ANXA10: variants seen among roughly 807,000 people sequenced by gnomAD.
The protein encoded by ANXA10 is annexin A10.
ANXA10 carries 49 observed loss-of-function variants against 53.5 expected under a neutral mutation model. The ratio of observed to expected loss-of-function variants is 0.92; its 90% CI spans 0.73 to 1.16. The LOEUF is 1.16. Ranked by LOEUF, ANXA10 falls within the 50% of genes most tolerant of loss-of-function variation. The probability of loss-of-function intolerance (pLI) is 0.00; values close to 1 mark genes in which losing one functional copy is unlikely to be tolerated. For missense variants in ANXA10, 393 were observed against 394.4 expected, an observed-to-expected ratio of 1.00 and a Z score of 0.03; for synonymous variants, 131 against 128.9, an observed-to-expected ratio of 1.02 and a Z score of -0.11.
chr4:168,126,052 A>G lies in ANXA10; in HGVS notation c.19-2032A>G, dbSNP rs910280210. 4.6e-5 allele frequency among the ~76,000 whole-genome samples: 7 copies of G among 152,260 alleles called. No individual in the cohort carries two copies. The East Asian group carries it at 1.2e-3, about 25-fold the overall frequency. ...ATCTTAATACATACAGATACACATT[A>G]TTTCTCACTGTCACATTGAAAAATG... On this transcript the variant is annotated intron_variant, in intron 1 of 11. Coordinates refer to ENST00000359299, the MANE Select transcript of ANXA10 (RefSeq NM_007193.5).
chr4:168,109,892 C>T (rs1730776357), intron 1 of ANXA10, among the ~76,000 whole-genome samples: 1 of 152,194 alleles, frequency 6.6e-6, no homozygotes. Flanking sequence ...ACTTAGTTTA[C>T]ACTCCTTACT....
intron 6 of ANXA10, among the ~76,000 whole-genome samples, chr4:168,169,275 AT>A (rs1167806422): frequency 6.6e-6 from 1 of 152,240 alleles, no homozygotes; most frequent in Non-Finnish European, 1.5e-5. Flanking sequence ...TAATTTTACA[AT>A]AATGTTGCTA....
chr4:168,128,100 T>A lies in ANXA10; in HGVS notation c.35T>A (p.Phe12Tyr). 6.2e-7 allele frequency: 1 copy of A among 1,613,392 alleles called. No individual in the cohort carries two copies. Among genetic ancestry groups the A allele is most frequent in the Non-Finnish European group, 8.5e-7 (1 of 1,179,568 alleles). Residue 12 changes from phenylalanine (F) to tyrosine (Y), a missense_variant, in exon 2 of 12, where the codon TTC (phenylalanine) becomes TAC (tyrosine). By Grantham distance (22) the Phe-to-Tyr change is conservative (BLOSUM62 3). Transcript: ENST00000359299. ...FCGDYVQGTI[F>Y]PAPNFNPIMD... Reference sequence around the variant, plus strand: ...TCCCACCAGGTGCAAGGAACCATCTTCCCAGCTCCCAATTTCAATCCCATA... The same window carrying A: ...TCCCACCAGGTGCAAGGAACCATCTACCCAGCTCCCAATTTCAATCCCATA...
intron 3 of ANXA10, among the ~76,000 whole-genome samples, chr4:168,143,155 T>C (rs1313493337): frequency 1.3e-5 from 2 of 152,124 alleles, no homozygotes; most frequent in Admixed American, 6.6e-5. Context: ...TGCTACCAGG[T>C]TAATTTCTCC....
At chr4:168,096,032 AAAAATAAAT>A (rs1730535066) in intron 1 of ANXA10, among the ~76,000 whole-genome samples, 1 of 152,168 alleles carries the variant, frequency 6.6e-6, no homozygotes, top group Non-Finnish European at 1.5e-5. Context: ...TAACTAGAAT[AAAAATAAAT>A]GCATTGGTTT....
intron 2 of ANXA10, among the ~76,000 whole-genome samples, chr4:168,130,058 G>A (rs1731133198): frequency 6.6e-6 from 1 of 152,130 alleles, no homozygotes; most frequent in Non-Finnish European, 1.5e-5. Flanking sequence ...GACAATCTCA[G>A]CTTGTTCCTG....
At chr4:168,174,791 G>A (rs186849344) in intron 6 of ANXA10, among the ~76,000 whole-genome samples, 13 of 152,094 alleles carry the variant, frequency 8.5e-5, no homozygotes, top group African/African-American at 2.9e-4. Flanking sequence ...GAAGTGCAGT[G>A]TGGAAGACTG....
At chr4:168,175,947 A>C (rs1732118854) in intron 6 of ANXA10, among the ~76,000 whole-genome samples, 1 of 152,214 alleles carries the variant, frequency 6.6e-6, no homozygotes, top group South Asian at 2.1e-4. Flanking sequence ...ATTTAATCTA[A>C]AATGGCAAAT....
In ANXA10 at chr4:168,121,920, G is replaced by A. The variant is rs536945736; in HGVS notation, c.19-6164G>A. ...GTGCAGTGGTGCAGTCTCCACTCAC[G>A]GCAACCTCCACCTCCTGGGTTCAAG... On this transcript the variant is annotated intron_variant, in intron 1 of 11. Transcript: ENST00000359299. 3.8e-3 allele frequency among the ~76,000 whole-genome samples: 585 copies of A among 151,962 alleles called. 8 individuals are homozygous for A. Among genetic ancestry groups the A allele is most frequent in the African/African-American group, 0.013 (553 of 41,434 alleles).
At chr4:168,120,660 G>A (rs1217077334) in intron 1 of ANXA10, among the ~76,000 whole-genome samples, 2 of 151,904 alleles carry the variant, frequency 1.3e-5, no homozygotes, top group Non-Finnish European at 2.9e-5. Context: ...CAATGTGGGA[G>A]GTTCAATATC....
At chr4:168,164,363 GT>G (rs1731838817) in intron 5 of ANXA10, 75 bp downstream of exon 5, 1 of 1,094,546 alleles carries the variant, frequency 9.1e-7, no homozygotes, top group African/African-American at 1.6e-5. Flanking sequence ...TCCAGTTTAT[GT>G]ATTTTGAAGA....
intron 1 of ANXA10, among the ~76,000 whole-genome samples, chr4:168,118,631 A>G (rs1730936503): frequency 6.6e-6 from 1 of 151,860 alleles, no homozygotes. Flanking sequence ...AAAAGGGTGT[A>G]CTCTCCTTAG....
chr4:168,170,612 T>C (rs577152894), intron 6 of ANXA10, among the ~76,000 whole-genome samples: 1 of 152,310 alleles, frequency 6.6e-6, no homozygotes, highest in South Asian at 2.1e-4. Flanking sequence ...ACATTAAATA[T>C]ATGTATGAGT....
intron 2 of ANXA10, among the ~76,000 whole-genome samples, chr4:168,129,832 C>G (rs900948396): frequency 6.6e-6 from 1 of 152,136 alleles, no homozygotes; most frequent in Non-Finnish European, 1.5e-5. Context: ...ATAGTACAGT[C>G]TACTTTCCAA....
chr4:168,114,310 G>A (rs961421656), intron 1 of ANXA10, among the ~76,000 whole-genome samples: 2 of 151,918 alleles, frequency 1.3e-5, no homozygotes, highest in African/African-American at 4.8e-5. Flanking sequence ...GTCTTGCTCT[G>A]TTGCCCAGGC....
intron 1 of ANXA10, among the ~76,000 whole-genome samples, chr4:168,108,589 T>A (rs745332060): frequency 3.3e-5 from 5 of 152,126 alleles, no homozygotes; most frequent in Non-Finnish European, 7.4e-5. Context: ...CAGATCCCTT[T>A]AAAATGGTTT....
At chr4:168,103,030 CT>C (rs1452587891) in intron 1 of ANXA10, among the ~76,000 whole-genome samples, 2 of 151,866 alleles carry the variant, frequency 1.3e-5, no homozygotes, top group Non-Finnish European at 2.9e-5. Flanking sequence ...ATATCATTTT[CT>C]TTGTTTATTT....
At chr4:168,171,020 T>C (rs1475577187) in intron 6 of ANXA10, among the ~76,000 whole-genome samples, 2 of 152,174 alleles carry the variant, frequency 1.3e-5, no homozygotes, top group Non-Finnish European at 2.9e-5. Context: ...TCTACATTAA[T>C]GGCTTCTCAG....
chr4:168,117,939 C>CTCACTCACTCACTCACTCA (rs1560962422), intron 1 of ANXA10, among the ~76,000 whole-genome samples: 1 of 130,238 alleles, frequency 7.7e-6, no homozygotes. Context: ...TCACTCACTC[C>CTCACTCACTCACTCACTCA]CTCCCTCCCT....
Sources: allele counts gnomAD v4.1 joint callset (sites outside exome capture counted in the v4.1 genomes callset), GRCh38; gene constraint gnomAD v4.1.1; transcripts MANE v1.5; gene names NCBI Gene and HGNC (gene_info 2026-07-23, HGNC 2026-07-21).